OPCML: variants seen among roughly 807,000 people sequenced by gnomAD.
OPCML encodes the protein opioid-binding protein/cell adhesion molecule.
OPCML carries 13 observed loss-of-function variants against 37.8 expected under a neutral mutation model. The ratio of observed to expected loss-of-function variants is 0.34; its 90% CI spans 0.22 to 0.55. OPCML has a LOEUF of 0.55. OPCML is among the 20% of genes least tolerant of loss of function. OPCML has a pLI of 0.91. For synonymous variants in OPCML, 176 were observed against 168.8 expected, an observed-to-expected ratio of 1.04 and a Z score of -0.33; for missense variants, 341 against 435.6, an observed-to-expected ratio of 0.78 and a Z score of 1.93.
At position 133,243,837 on chromosome 11, in the gene OPCML, A is replaced by G. The variant is rs1007388381; in HGVS notation, c.61+288427T>C. Among the ~76,000 whole-genome samples the G allele has an allele frequency of 4.6e-5, 7 of 152,240 alleles. No homozygotes were observed. The East Asian group carries it at 5.8e-4, about 13-fold the overall frequency. On this transcript the variant is annotated intron_variant, in intron 1 of 7. Coordinates refer to ENST00000524381, the MANE Select transcript of OPCML (RefSeq NM_001012393.5). ...TCGGAAAAGCAACTGCTGCAAGCCA[A>G]TGGGACTTCATCCTATTTGGGGACC...
At chr11:133,387,105 T>C (rs976654249) in intron 1 of OPCML, among the ~76,000 whole-genome samples, 8 of 152,184 alleles carry the variant, frequency 5.3e-5, no homozygotes, top group African/African-American at 1.9e-4. Context: ...CTCAAACACA[T>C]GGCCAGGAAC....
intron 3 of OPCML, among the ~76,000 whole-genome samples, chr11:132,640,740 C>T (rs891596907): frequency 3.9e-5 from 6 of 151,992 alleles, no homozygotes; most frequent in Non-Finnish European, 8.8e-5. Context: ...AGAGCCACAC[C>T]CAGGAGTTTG....
intron 3 of OPCML, among the ~76,000 whole-genome samples, chr11:132,655,256 AGAGGTGCCACT>A (rs1185234440): frequency 6.6e-6 from 1 of 152,236 alleles, no homozygotes; most frequent in Non-Finnish European, 1.5e-5. Flanking sequence ...TCAAGGCCAC[AGAGGTGCCACT>A]GAGGTGGCAC....
At chr11:133,186,445 G>T (rs1003835047) in intron 1 of OPCML, among the ~76,000 whole-genome samples, 1 of 151,490 alleles carries the variant, frequency 6.6e-6, no homozygotes, top group Non-Finnish European at 1.5e-5. Flanking sequence ...GGCCTCTGAA[G>T]TGGATGCTTA....
chr11:133,117,551 T>C (rs1423404199), intron 1 of OPCML, among the ~76,000 whole-genome samples: 2 of 152,112 alleles, frequency 1.3e-5, no homozygotes, highest in Non-Finnish European at 2.9e-5. Flanking sequence ...ATTTCTGACA[T>C]AGGTAGTTTT....
chr11:133,455,696 G>A (rs1159675008), intron 1 of OPCML, among the ~76,000 whole-genome samples: 3 of 152,048 alleles, frequency 2.0e-5, no homozygotes, highest in Non-Finnish European at 4.4e-5. Context: ...TCAGCAAGGC[G>A]GCAGGCTAGG....
At chr11:133,093,304 C>T (rs1160659072) in intron 1 of OPCML, among the ~76,000 whole-genome samples, 1 of 146,790 alleles carries the variant, frequency 6.8e-6, no homozygotes, top group Non-Finnish European at 1.5e-5. Context: ...TTAAAATTTA[C>T]TTTAAGTTCT....
intron 3 of OPCML, among the ~76,000 whole-genome samples, chr11:132,574,407 C>T (rs2096445647): frequency 6.6e-6 from 1 of 151,272 alleles, no homozygotes; most frequent in Non-Finnish European, 1.5e-5. Flanking sequence ...TATGAACTTT[C>T]CTCTTAGTAT....
At chr11:132,973,957 G>A (rs1946401773) in intron 1 of OPCML, among the ~76,000 whole-genome samples, 1 of 150,126 alleles carries the variant, frequency 6.7e-6, no homozygotes, top group African/African-American at 2.5e-5. Context: ...AGAAAGCACG[G>A]AGTGGATCTG....
intron 2 of OPCML, among the ~76,000 whole-genome samples, chr11:132,809,998 C>T (rs567101226): frequency 8.4e-4 from 128 of 152,198 alleles, no homozygotes; most frequent in African/African-American, 2.4e-3. Context: ...TACAGGCGCC[C>T]GCCACCACGC....
chr11:133,447,164 T>C (rs1263207262), intron 1 of OPCML, among the ~76,000 whole-genome samples: 1 of 152,250 alleles, frequency 6.6e-6, no homozygotes, highest in African/African-American at 2.4e-5. Context: ...TAGCAATGTA[T>C]GAGAGTTCCA....
intron 2 of OPCML, among the ~76,000 whole-genome samples, chr11:132,719,849 T>G (rs1944618632): frequency 6.6e-6 from 1 of 152,320 alleles, no homozygotes; most frequent in Admixed American, 6.5e-5. Context: ...GAGCTTGAGC[T>G]CCGAGTGCAA....
At chr11:132,602,524 G>T (rs1937993504) in intron 3 of OPCML, among the ~76,000 whole-genome samples, 1 of 152,142 alleles carries the variant, frequency 6.6e-6, no homozygotes, top group Non-Finnish European at 1.5e-5. Context: ...GCAAGAGTTT[G>T]GTTCTCTCAC....
chr11:133,351,891 G>A (rs562081664), intron 1 of OPCML, among the ~76,000 whole-genome samples: 40 of 152,212 alleles, frequency 2.6e-4, no homozygotes, highest in African/African-American at 9.4e-4. Context: ...CCAGCTGATT[G>A]GGCCTAAAGC....
intron 1 of OPCML, among the ~76,000 whole-genome samples, chr11:132,999,511 C>CTTATTATTTGTTTGATA (rs1946952629): frequency 6.8e-6 from 1 of 147,650 alleles, no homozygotes; most frequent in African/African-American, 2.6e-5. Context: ...TTAGAGGGAG[C>CTTATTATTTGTTTGATA]TTATTATTTG....
intron 2 of OPCML, among the ~76,000 whole-genome samples, chr11:132,705,427 CA>C (rs924068870): frequency 2.6e-5 from 4 of 151,436 alleles, no homozygotes; most frequent in Non-Finnish European, 2.9e-5. Context: ...CCCATGACTA[CA>C]AAAAAAATAA....
intron 2 of OPCML, among the ~76,000 whole-genome samples, chr11:132,813,818 C>T (rs915270173): frequency 5.3e-5 from 8 of 152,158 alleles, no homozygotes; most frequent in Admixed American, 4.6e-4. Flanking sequence ...TGCTCTCCCC[C>T]ATCCTACCTT....
At chr11:133,524,048 G>A (rs1281384409) in intron 1 of OPCML, among the ~76,000 whole-genome samples, 2 of 152,222 alleles carry the variant, frequency 1.3e-5, no homozygotes, top group East Asian at 3.8e-4. Context: ...TAAGCTTCAT[G>A]AGAGCAGGAA....
intron 2 of OPCML, among the ~76,000 whole-genome samples, chr11:132,715,765 T>C (rs974414363): frequency 1.3e-5 from 2 of 152,178 alleles, no homozygotes; most frequent in African/African-American, 4.8e-5. Flanking sequence ...ATGTTGTTAA[T>C]AGACCATCTG....
Sources: allele counts gnomAD v4.1 joint callset (sites outside exome capture counted in the v4.1 genomes callset), GRCh38; gene constraint gnomAD v4.1.1; transcripts MANE v1.5; gene names NCBI Gene and HGNC (gene_info 2026-07-23, HGNC 2026-07-21).